ASB4: variants seen among roughly 807,000 people sequenced by gnomAD.
ASB4 encodes the protein ankyrin repeat and SOCS box containing 4.
A neutral mutation model predicts 38.6 loss-of-function variants in ASB4; 35 were observed. The observed-to-expected ratio is 0.91, with a 90% CI of 0.69 to 1.20. The LOEUF is 1.20. Ranked by LOEUF, ASB4 falls within the 50% of genes most tolerant of loss-of-function variation. ASB4 has a pLI of 0.00. For missense variants in ASB4, 557 were observed against 527.2 expected, an observed-to-expected ratio of 1.06 and a Z score of -0.55; for synonymous variants, 195 against 201.3, an observed-to-expected ratio of 0.97 and a Z score of 0.26.
At chr7:95,530,321 T>A (rs1289554209) in intron 3 of ASB4, among the ~76,000 whole-genome samples, 1 of 151,870 alleles carries the variant, frequency 6.6e-6, no homozygotes, top group Non-Finnish European at 1.5e-5. Flanking sequence ...AAAAATTAGC[T>A]GGGTGTTGTG....
intron 1 of ASB4, among the ~76,000 whole-genome samples, chr7:95,490,098 T>G (rs1442102576): frequency 6.6e-6 from 1 of 152,230 alleles, no homozygotes; most frequent in Non-Finnish European, 1.5e-5. Context: ...TTATGGCCCA[T>G]AGCCACTGAT....
chr7:95,525,927 T>C (rs562732841), intron 2 of ASB4, among the ~76,000 whole-genome samples: 2 of 152,332 alleles, frequency 1.3e-5, no homozygotes, highest in Admixed American at 6.5e-5. Context: ...TTGTATAGGA[T>C]ATTGAGCATG....
chr7:95,494,617 C>T (rs1293852734), intron 1 of ASB4, among the ~76,000 whole-genome samples: 1 of 152,208 alleles, frequency 6.6e-6, no homozygotes, highest in Non-Finnish European at 1.5e-5. Context: ...ATCTCTTCAT[C>T]TTCTTGCCCT....
At chr7:95,488,471 T>C (rs941696582) in intron 1 of ASB4, among the ~76,000 whole-genome samples, 2 of 152,240 alleles carry the variant, frequency 1.3e-5, no homozygotes, top group Non-Finnish European at 2.9e-5. Flanking sequence ...TGCTAGTAGA[T>C]CTAAGTGGTT....
intron 3 of ASB4, among the ~76,000 whole-genome samples, chr7:95,535,372 C>G (rs1213516498): frequency 4.6e-5 from 7 of 152,172 alleles, no homozygotes; most frequent in Middle Eastern, 3.2e-3. Context: ...TAATGCCTCA[C>G]CTAACACCAA....
intron 2 of ASB4, among the ~76,000 whole-genome samples, chr7:95,499,865 CTTTTTTTTTTT>C (rs61250820): frequency 5.2e-5 from 4 of 77,212 alleles, no homozygotes; most frequent in African/African-American, 1.1e-4. Context: ...GATACATCCT[CTTTTTTTTTTT>C]TTTTTTTTTT....
Position 95,527,172 on chromosome 7 carries a change from C to CGT in ASB4, c.488-629_488-628dup, listed in dbSNP as rs143786307. 6.9e-4 allele frequency among the ~76,000 whole-genome samples: 105 copies of CGT among 151,556 alleles called. 1 individual carries two copies. The highest frequency in any genetic ancestry group is 2.3e-3 in the African/African-American group (94 of 41,356). ...TTTAGGCTAGTTTGGTGACTAAAGT[C>CGT]GTGTGTGTGTGTGCATGTGTATGTG... is the stretch of plus-strand genomic sequence containing the variant. On this transcript the variant is annotated intron_variant, in intron 2 of 4. Transcript: ENST00000325885.
rs910135353 is a variant in ASB4 at position 95,530,837 on chromosome 7, G to C, written c.978+2534G>C. On this transcript the variant is annotated intron_variant, in intron 3 of 4. Coordinates refer to ENST00000325885, the MANE Select transcript of ASB4 (RefSeq NM_016116.3). ...TGCCTTTCAGAGAATAACTCTGAGT[G>C]GGGGGCTGGCAAATTTGCAATAATT... 2.0e-5 allele frequency among the ~76,000 whole-genome samples: 3 copies of C among 152,126 alleles called. No homozygotes were observed. In the East Asian group the frequency reaches 5.8e-4, roughly 29 times the overall value.
rs576813667 is a variant in ASB4, at chr7:95,538,540, T to A, written c.*781T>A. The A allele has an allele frequency of 6.6e-6, 1 of 152,210 alleles. No individual in the cohort carries two copies. Among genetic ancestry groups the A allele is most frequent in the African/African-American group, 2.4e-5 (1 of 41,464 alleles). 9.4% of individuals were successfully genotyped at this position (152,210 alleles called of 1,614,324 possible). A position where few individuals can be genotyped will look rare whatever the true frequency, so the allele number is the denominator to read the frequency against. ...ACAGGTGCAGACTCACTTTTAATGC[T>A]TATCTTTCAAAGTTGTGTTTCTGAC... On this transcript the variant is annotated 3_prime_UTR_variant, in exon 5 of 5. Transcript: ENST00000325885.
upstream of ASB4, among the ~76,000 whole-genome samples, chr7:95,484,994 ATGTATATATGTGTG>A (rs552493470): frequency 0.037 from 5,487 of 150,120 alleles, 153 homozygotes; most frequent in Admixed American, 0.078. Flanking sequence ...ATGTGTATAT[ATGTATATATGTGTG>A]TGTATATATG....
intron 2 of ASB4, among the ~76,000 whole-genome samples, chr7:95,518,659 G>T (rs1264320505): frequency 6.6e-6 from 1 of 152,194 alleles, no homozygotes; most frequent in African/African-American, 2.4e-5. Context: ...GATTAAACTG[G>T]GTAACTGGAA....
chr7:95,528,493 A>T (rs947796046), intron 3 of ASB4, 190 bp downstream of exon 3: 1 of 1,434,224 alleles, frequency 7.0e-7, no homozygotes, highest in Non-Finnish European at 9.1e-7. Context: ...TTTGCTTGAA[A>T]TTGGGTGTGA....
At chr7:95,526,980 G>A (rs1008369921) in intron 2 of ASB4, among the ~76,000 whole-genome samples, 1 of 152,142 alleles carries the variant, frequency 6.6e-6, no homozygotes, top group Non-Finnish European at 1.5e-5. Context: ...AAATAAATGG[G>A]TTGGATTAAG....
the ASB4 span, among the ~76,000 whole-genome samples, chr7:95,545,877 ATC>A: frequency 6.6e-6 from 1 of 152,228 alleles, no homozygotes; most frequent in Non-Finnish European, 1.5e-5. Context: ...TAATCATGCC[ATC>A]TGAGTCACAG....
chr7:95,489,272 G>A (rs552289997), intron 1 of ASB4, among the ~76,000 whole-genome samples: 3 of 152,326 alleles, frequency 2.0e-5, no homozygotes, highest in African/African-American at 7.2e-5. Flanking sequence ...GAGGAAGACA[G>A]AATAAAGCTA....
At chr7:95,536,224 T>TG in intron 3 of ASB4, among the ~76,000 whole-genome samples, 1 of 144,510 alleles carries the variant, frequency 6.9e-6, no homozygotes, top group East Asian at 1.9e-4. Context: ...GGGTTCTGGT[T>TG]TTTTTTTTAC....
intron 3 of ASB4, among the ~76,000 whole-genome samples, chr7:95,531,741 A>G (rs1425868998): frequency 6.6e-6 from 1 of 152,128 alleles, no homozygotes; most frequent in Non-Finnish European, 1.5e-5. Context: ...TGTGGAATCT[A>G]GTAGTGGCAT....
intron 2 of ASB4, among the ~76,000 whole-genome samples, chr7:95,524,042 C>T (rs1458072060): frequency 4.6e-5 from 7 of 152,132 alleles, no homozygotes; most frequent in Non-Finnish European, 1.0e-4. Flanking sequence ...CATGGCTTAT[C>T]GGAGTGTAAG....
chr7:95,477,735 CT>C (rs34231561), upstream of ASB4, among the ~76,000 whole-genome samples: 52,940 of 142,328 alleles, frequency 0.37, 9,387 homozygotes, highest in Non-Finnish European at 0.42. Context: ...TAACAAGAAC[CT>C]TTTTTTTTTT....
Sources: gnomAD v4.1 joint callset for allele counts (sites outside exome capture counted in the v4.1 genomes callset) on GRCh38, gnomAD v4.1.1 for gene constraint, MANE v1.5 for transcripts, NCBI Gene and HGNC (gene_info 2026-07-23, HGNC 2026-07-21) for gene names.